The following DIS3 variants were observed in gnomAD, a reference collection of about 807,000 sequenced individuals.
The protein encoded by DIS3 is DIS3 exosome endoribonuclease and 3'-5' exoribonuclease, also known as exosome complex exonuclease RRP44.
A neutral mutation model predicts 113.0 loss-of-function variants in DIS3; 103 were observed. The observed-to-expected ratio is 0.91, with a 90% CI of 0.78 to 1.07. The LOEUF is 1.07. Among genes scored for constraint, DIS3 ranks in the 50% least tolerant of loss-of-function variants. The pLI is 0.00. For missense variants in DIS3, 1,121 were observed against 1,167.1 expected (o/e 0.96, Z 0.58); for synonymous variants, 402 against 394.3 (o/e 1.02, Z -0.23).
At position 72,753,746 on chromosome 13, in the gene DIS3, G is replaced by A. The variant is rs766581033; in HGVS notation, c.*6049C>T. ...GAAGCAATATTATGGATACAGTTGGGGCAGAAAGTTACTGCAAAGAAAGTG... is the reference window on the plus strand; with the variant it reads ...GAAGCAATATTATGGATACAGTTGGAGCAGAAAGTTACTGCAAAGAAAGTG... On this transcript the variant is annotated 3_prime_UTR_variant, in exon 21 of 21. Coordinates refer to ENST00000377767, the MANE Select transcript of DIS3 (RefSeq NM_014953.5). The A allele has an allele frequency of 1.9e-6, 3 of 1,613,248 alleles. No individual in the cohort carries two copies. Among genetic ancestry groups the A allele is most frequent in the East Asian group, 2.2e-5 (1 of 44,788 alleles).
In DIS3 at chr13:72,762,057, T is replaced by C. The variant is rs1455262901; in HGVS notation, c.2208A>G (p.Leu736=). 2 of 1,614,030 alleles carry C rather than the reference T, an allele frequency of 1.2e-6. No homozygotes were observed. The highest frequency in any genetic ancestry group is 1.3e-5 in the African/African-American group (1 of 74,936). Residue 736 remains leucine, a synonymous_variant, in exon 17 of 21, where the codon CTA becomes CTG. Coordinates refer to ENST00000377767, the MANE Select transcript of DIS3 (RefSeq NM_014953.5). ...DQAESPTFPY[L]NTLLRILATR... The stretch of plus-strand genomic sequence containing the variant: ...TGGCTAATATTCTCAACAGAGTGTT[T>C]AGATATGGAAAAGTAGGAGATTCGG...
Position 72,753,954 on chromosome 13 carries a change from A to C in DIS3, c.*5841T>G, listed in dbSNP as rs1214751835. 6 of 894,374 alleles carry C rather than the reference A, an allele frequency of 6.7e-6. No homozygotes were observed. The highest frequency in any genetic ancestry group is 9.9e-6 in the Non-Finnish European group (6 of 603,910). 55.4% of individuals were successfully genotyped at this position (894,374 alleles called of 1,614,324 possible). A position where few individuals can be genotyped will look rare whatever the true frequency, so the allele number is the denominator to read the frequency against. ...ACTAAAAGGTAAGCCTGTTTTCTTA[A>C]CATCCAATAACCTTTAAATATTTTG... On this transcript the variant is annotated 3_prime_UTR_variant, in exon 21 of 21. Coordinates refer to ENST00000377767, the MANE Select transcript of DIS3 (RefSeq NM_014953.5).
At chr13:72,766,180 G>A (rs1170641961) in intron 14 of DIS3, 122 bp from the exon 15 acceptor site, 1 of 730,788 alleles carries the variant, frequency 1.4e-6, no homozygotes, top group Non-Finnish European at 2.1e-6. Context: ...CTCTTCTGAA[G>A]GCTTTATGAC....
At chr13:72,762,479 T>C (rs535883571) in intron 16 of DIS3, among the ~76,000 whole-genome samples, 1 of 152,316 alleles carries the variant, frequency 6.6e-6, no homozygotes, top group East Asian at 1.9e-4. Flanking sequence ...GCTGATTCAA[T>C]TCCTATGAAT....
rs537415927 is a variant in DIS3 at position 72,773,581 on chromosome 13, T to C, written c.1239+103A>G. ...TTTGTGAAATATCTCTAAATTTCAG[T>C]ACAAATTCTACATAAAAGTAGATTG... is the stretch of plus-strand genomic sequence containing the variant. On this transcript the variant is annotated intron_variant, in intron 8 of 20. Transcript: ENST00000377767. The C allele has an allele frequency of 6.9e-5, 90 of 1,303,460 alleles. No homozygotes were observed. The East Asian group carries it at 1.5e-3, about 21-fold the overall frequency. 80.7% of individuals were successfully genotyped at this position (1,303,460 alleles called of 1,614,324 possible).
chr13:72,781,519 G>A (rs1593859449), intron 1 of DIS3, 86 bp downstream of exon 1: 1 of 1,444,704 alleles, frequency 6.9e-7, no homozygotes, highest in Non-Finnish European at 9.2e-7. Context: ...CACTGCCAAA[G>A]ACCCGCCTCC....
chr13:72,778,251 G>A lies in DIS3; in HGVS notation c.516C>T (p.Ile172=), dbSNP rs1430435164. Reference sequence around the variant, plus strand: ...TGTTTCTCCTGTCATTTGTTATGAAGATAACTTGCAGCTGGTTGTCTGCTG... The same window carrying A: ...TGTTTCTCCTGTCATTTGTTATGAAAATAACTTGCAGCTGGTTGTCTGCTG... ...KMSADNQLQV[I]FITNDRRNKE... Residue 172 remains isoleucine (I), a synonymous_variant, in exon 3 of 21, where the codon ATC becomes ATT. Coordinates refer to ENST00000377767, the MANE Select transcript of DIS3 (RefSeq NM_014953.5). 2 of 1,608,496 alleles carry A rather than the reference G, an allele frequency of 1.2e-6. No individual in the cohort carries two copies. The highest frequency in any genetic ancestry group is 8.5e-7 in the Non-Finnish European group (1 of 1,175,842).
Position 72,755,388 on chromosome 13 carries a change from C to G in DIS3, c.*4407G>C, listed in dbSNP as rs530189681. On this transcript the variant is annotated 3_prime_UTR_variant, in exon 21 of 21. Transcript: ENST00000377767. ...CTGACATAGGAACAACAGAAATGCT[C>G]CTGGAACTTCAAGTTGCTGAATTAT... The G allele has an allele frequency of 3.8e-6, 2 of 532,392 alleles. No homozygotes were observed. The highest frequency in any genetic ancestry group is 1.9e-5 in the African/African-American group (1 of 52,196). 33.0% of individuals were successfully genotyped at this position (532,392 alleles called of 1,614,324 possible). A position where few individuals can be genotyped will look rare whatever the true frequency, so the allele number is the denominator to read the frequency against.
intron 14 of DIS3, 69 bp downstream of exon 14, chr13:72,768,716 T>C (rs765332010): frequency 8.3e-6 from 10 of 1,206,026 alleles, no homozygotes; most frequent in Non-Finnish European, 1.2e-5. Context: ...AAATAATTCA[T>C]CATTGCCTAT....
Position 72,761,923 on chromosome 13 carries a change from C to G in DIS3, c.2342G>C (p.Arg781Thr), listed in dbSNP as rs1410316399. 1.9e-6 allele frequency: 3 copies of G among 1,613,674 alleles called. No individual in the cohort carries two copies. The highest frequency in any genetic ancestry group is 1.7e-6 in the Non-Finnish European group (2 of 1,179,940). ...CTTTAATTTCATAAGGAAAAAATAC[C>G]TTCTAATGGGTGAAGTAAAATGTGT... is the stretch of plus-strand genomic sequence containing the variant. ...IYTHFTSPIR[R>T]YADVIVHRLL... The change falls in exon 17 of 21, where the codon AGA (arginine) becomes ACA (threonine). Residue 781 changes from arginine to threonine, a missense_variant and splice_region_variant. By Grantham distance (71) the Arg-to-Thr change is moderately conservative. Transcript: ENST00000377767.
rs917121548 is a variant in DIS3, at chr13:72,778,372, T to C, written c.395A>G (p.Tyr132Cys). The C allele has an allele frequency of 3.2e-6, 5 of 1,552,020 alleles. No homozygotes were observed. Among genetic ancestry groups the C allele is most frequent in the East Asian group, 2.3e-5 (1 of 44,006 alleles). The stretch of plus-strand genomic sequence containing the variant: ...ATTTTCTCCCTGTTCTTGTTCTACA[T>C]AGGTTTCTCTAAATGGAAAGAAAAA... The part of the protein sequence containing the change: ...TFTNEHHRET[Y>C]VEQEQGENAN... Residue 132 changes from tyrosine to cysteine, a missense_variant, in exon 3 of 21, where the codon TAT becomes TGT. Tyr to Cys is a radical substitution (Grantham distance 194). Coordinates refer to ENST00000377767, the MANE Select transcript of DIS3 (RefSeq NM_014953.5).
rs2033635518 is a variant in DIS3, at chr13:72,761,914, A to G, written c.2342+9T>C. 6 of 1,613,778 alleles carry G rather than the reference A, an allele frequency of 3.7e-6. No homozygotes were observed. The highest frequency in any genetic ancestry group is 5.1e-6 in the Non-Finnish European group (6 of 1,179,936). Reference sequence around the variant, plus strand: ...TTCTATCTCCTTTAATTTCATAAGGAAAAAATACCTTCTAATGGGTGAAGT... The same window carrying G: ...TTCTATCTCCTTTAATTTCATAAGGGAAAAATACCTTCTAATGGGTGAAGT... On this transcript the variant is annotated intron_variant, in intron 17 of 20. Transcript: ENST00000377767.
chr13:72,773,179 T>C (rs2033927784), intron 8 of DIS3, among the ~76,000 whole-genome samples: 1 of 152,152 alleles, frequency 6.6e-6, no homozygotes, highest in South Asian at 2.1e-4. Context: ...GTTTAAAAAC[T>C]TACATAAAAG....
intron 1 of DIS3, chr13:72,781,396 G>A: frequency 1.3e-6 from 2 of 1,539,290 alleles, no homozygotes; most frequent in Non-Finnish European, 1.8e-6. Context: ...AAAATAACGT[G>A]TCTGAACTAC....
rs1456067711 is a variant in DIS3 at position 72,757,736 on chromosome 13, T to G, written c.*2059A>C. On this transcript the variant is annotated 3_prime_UTR_variant, in exon 21 of 21. Coordinates refer to ENST00000377767, the MANE Select transcript of DIS3 (RefSeq NM_014953.5). ...GCCACCGCACCTAGCCGGCAAACTT[T>G]TTTAAATGGTTGGCGGGGGTGGGGG... The G allele has an allele frequency of 5.3e-6, 1 of 190,070 alleles. No individual in the cohort carries two copies. Among genetic ancestry groups the G allele is most frequent in the East Asian group, 8.3e-5 (1 of 12,078 alleles). The allele number at this position is 190,070 out of a possible 1,614,324, so 11.8% of individuals were successfully genotyped here.
chr13:72,753,994 A>T lies in DIS3; in HGVS notation c.*5801T>A, dbSNP rs192228014. ...TAAATATTTTGGTTACTCTGAATAC[A>T]CAAGTATCTTACATACTACAAAGTG... On this transcript the variant is annotated 3_prime_UTR_variant, in exon 21 of 21. Transcript: ENST00000377767. 424 of 641,370 alleles carry T rather than the reference A, an allele frequency of 6.6e-4. 1 individual carries two copies. The African/African-American group carries it at 7.0e-3, about 11-fold the overall frequency. The allele number at this position is 641,370 out of a possible 1,614,324, so 39.7% of individuals were successfully genotyped here.
intron 14 of DIS3, among the ~76,000 whole-genome samples, chr13:72,767,474 A>C (rs956395731): frequency 6.6e-6 from 1 of 152,202 alleles, no homozygotes; most frequent in African/African-American, 2.4e-5. Context: ...GCTCAAGTTT[A>C]ATAGTATCCA....
In DIS3 at chr13:72,781,112, T is replaced by A. The variant is rs2034192045; in HGVS notation, c.229-109A>T. On this transcript the variant is annotated intron_variant, in intron 1 of 20. Transcript: ENST00000377767. ...TAAATACTTTATGTTTTAAAAACACTGAATAAGTTAAGCCAAGAAGCTATT... is the reference window on the plus strand; with the variant it reads ...TAAATACTTTATGTTTTAAAAACACAGAATAAGTTAAGCCAAGAAGCTATT... 4 of 1,360,504 alleles carry A rather than the reference T, an allele frequency of 2.9e-6. No homozygotes were observed. The South Asian group carries it at 5.5e-5, about 19-fold the overall frequency. The allele number at this position is 1,360,504 out of a possible 1,614,324, so 84.3% of individuals were successfully genotyped here.
At position 72,771,510 on chromosome 13, in the gene DIS3, CA is replaced by C. The variant is rs138494419; in HGVS notation, c.1605+284del. Among the ~76,000 whole-genome samples, 1,148 of 152,094 alleles carry C rather than the reference CA, an allele frequency of 7.5e-3. 11 individuals carry two copies. The highest frequency in any genetic ancestry group is 0.027 in the African/African-American group (1,106 of 41,492). On this transcript the variant is annotated intron_variant, in intron 11 of 20. Coordinates refer to ENST00000377767, the MANE Select transcript of DIS3 (RefSeq NM_014953.5). The stretch of plus-strand genomic sequence containing the variant: ...TTTCTCCAATGCTTAATATAAACTA[CA>C]AGGTGTTTTTAAAATACTAAAAAAA...
Sources: gnomAD v4.1 joint callset for allele counts (sites outside exome capture counted in the v4.1 genomes callset) on GRCh38, gnomAD v4.1.1 for gene constraint, MANE v1.5 for transcripts, NCBI Gene and HGNC (gene_info 2026-07-23, HGNC 2026-07-21) for gene names.